Variants in HIP1 observed in about 807,000 individuals in gnomAD.
The protein encoded by HIP1 is huntingtin-interacting protein 1.
In HIP1, 65 loss-of-function variants were observed where a neutral mutation model predicts 147.6. The ratio of observed to expected loss-of-function variants is 0.44; its 90% CI spans 0.36 to 0.54. The LOEUF is 0.54. Ranked by LOEUF, HIP1 falls within the 20% of genes least tolerant of loss-of-function variation. The pLI, the probability that HIP1 is intolerant of heterozygous loss-of-function variation, is 0.00. For synonymous variants in HIP1, 479 were observed against 504.0 expected (o/e 0.95, Z 0.67); for missense variants, 1,061 against 1,299.6 (o/e 0.82, Z 2.82).
At chr7:75,553,392 A>G in intron 22 of HIP1, 61 bp downstream of exon 22, 4 of 1,576,156 alleles carry the variant, frequency 2.5e-6, no homozygotes, top group Admixed American at 3.4e-5. Flanking sequence ...TTCCCTGGCC[A>G]TTCACCAGCA....
rs782232995 is a variant in HIP1, at chr7:75,586,780, T to C, written c.438A>G (p.Leu146=). Residue 146 remains leucine, a synonymous_variant, in exon 5 of 31, where the codon CTA becomes CTG. Coordinates refer to ENST00000336926, the MANE Select transcript of HIP1 (RefSeq NM_005338.7). ...TGGTGTGGTACTCCATCTTGGTTCTTAGCAGTTTCAGGTAGATGCTGCACA... is the reference window on the plus strand; with the variant it reads ...TGGTGTGGTACTCCATCTTGGTTCTCAGCAGTTTCAGGTAGATGCTGCACA... ...GQLCSIYLKL[L]RTKMEYHTKN... 6.2e-7 allele frequency: 1 copy of C among 1,613,568 alleles called. No homozygotes were observed. The highest frequency in any genetic ancestry group is 8.5e-7 in the Non-Finnish European group (1 of 1,179,556).
intron 29 of HIP1, 66 bp from the exon 30 acceptor site, chr7:75,539,497 T>A (rs1794220977): frequency 7.6e-7 from 1 of 1,321,872 alleles, no homozygotes; most frequent in Non-Finnish European, 1.1e-6. Flanking sequence ...TTATTTATTT[T>A]TTTATAGAGA....
chr7:75,694,166 C>T (rs1395152369), intron 1 of HIP1, among the ~76,000 whole-genome samples: 6 of 152,240 alleles, frequency 3.9e-5, no homozygotes, highest in South Asian at 4.1e-4. Context: ...GATCCACCCA[C>T]CTCGGCCTCC....
At chr7:75,618,844 G>A (rs1184863424) in intron 1 of HIP1, among the ~76,000 whole-genome samples, 2 of 151,864 alleles carry the variant, frequency 1.3e-5, no homozygotes, top group Non-Finnish European at 2.9e-5. Context: ...TCTCCCTTGA[G>A]CACATCCTTT....
intron 1 of HIP1, among the ~76,000 whole-genome samples, chr7:75,627,796 C>G (rs1445944547): frequency 6.6e-6 from 1 of 152,096 alleles, no homozygotes; most frequent in Admixed American, 6.5e-5. Flanking sequence ...CTCTGTAGAC[C>G]CTCTGGCTGA....
chr7:75,542,126 G>A (rs373082912), intron 28 of HIP1, 146 bp from the exon 29 acceptor site: 13 of 687,686 alleles, frequency 1.9e-5, no homozygotes, highest in Middle Eastern at 4.0e-4. Flanking sequence ...GCCAGACAAC[G>A]GTGGCTCACT....
intron 20 of HIP1, 50 bp downstream of exon 20, chr7:75,554,390 C>A: frequency 4.0e-6 from 6 of 1,504,076 alleles, no homozygotes. Flanking sequence ...TGCTTCTGAA[C>A]CCTGTCTGGC....
At chr7:75,620,650 C>G (rs1554506930) in intron 1 of HIP1, among the ~76,000 whole-genome samples, 1 of 152,046 alleles carries the variant, frequency 6.6e-6, no homozygotes, top group East Asian at 1.9e-4. Context: ...AGCACCATTG[C>G]ACTCCAGCCT....
intron 1 of HIP1, among the ~76,000 whole-genome samples, chr7:75,608,044 C>T (rs946902060): frequency 2.6e-5 from 4 of 152,176 alleles, no homozygotes; most frequent in Non-Finnish European, 4.4e-5. Flanking sequence ...ACATGGCTCA[C>T]GCCTGTAATC....
At chr7:75,609,903 C>CTTTTT (rs56106169) in intron 1 of HIP1, among the ~76,000 whole-genome samples, 15 of 130,962 alleles carry the variant, frequency 1.1e-4, no homozygotes, top group Admixed American at 1.6e-4. Flanking sequence ...CTCTTCTTTT[C>CTTTTT]TTTTTTTTTT....
chr7:75,557,598 G>A (rs956177094), intron 16 of HIP1, 56 bp downstream of exon 16: 221 of 1,309,568 alleles, frequency 1.7e-4, no homozygotes, highest in Non-Finnish European at 2.3e-4. Flanking sequence ...CAAAGCCCCC[G>A]CCACCAACTC....
intron 1 of HIP1, chr7:75,626,135 A>G (rs1798026940): frequency 6.6e-6 from 1 of 152,270 alleles, no homozygotes; most frequent in Admixed American, 6.5e-5. Flanking sequence ...GACCCAGTCT[A>G]TGGTATTTTG....
rs587742459 is a variant in HIP1 at position 75,544,795 on chromosome 7, G to A, written c.2666C>T (p.Ala889Val). The A allele has an allele frequency of 6.2e-7, 1 of 1,604,816 alleles. No individual in the cohort carries two copies. Among genetic ancestry groups the A allele is most frequent in the Admixed American group, 1.7e-5 (1 of 59,974 alleles). Residue 889 changes from alanine (A) to valine (V), a missense_variant, in exon 27 of 31, where the codon GCA (alanine) becomes GTA (valine). Around this residue, in one of 3 missense-constraint regions of HIP1, gnomAD observed 810 missense variants for 946.8 expected, o/e 0.86. Coordinates refer to ENST00000336926, the MANE Select transcript of HIP1 (RefSeq NM_005338.7). ...VGWGATVMVD[A>V]ADLVVQGRGK... ...TCTGCCTTGTACCACCAGATCAGCT[G>A]CATCCCTGATGGAAAACGACAAGAG...
chr7:75,606,555 G>A (rs1352030520), intron 1 of HIP1, among the ~76,000 whole-genome samples: 8 of 151,282 alleles, frequency 5.3e-5, no homozygotes, highest in African/African-American at 1.5e-4. Context: ...CTGCCTGGGC[G>A]ACAGAGTGAG....
intron 1 of HIP1, among the ~76,000 whole-genome samples, chr7:75,734,270 A>T (rs1342760494): frequency 6.7e-6 from 1 of 150,122 alleles, no homozygotes; most frequent in African/African-American, 2.5e-5. Context: ...ATAAATAAAT[A>T]AATAAATAAA....
intron 22 of HIP1, among the ~76,000 whole-genome samples, chr7:75,551,977 C>T (rs1479714604): frequency 6.6e-6 from 1 of 151,256 alleles, no homozygotes; most frequent in Non-Finnish European, 1.5e-5. Context: ...GCAACCTCAG[C>T]CTCCCAGGTT....
intron 4 of HIP1, among the ~76,000 whole-genome samples, chr7:75,591,252 C>T (rs915952080): frequency 6.6e-6 from 1 of 152,096 alleles, no homozygotes; most frequent in Non-Finnish European, 1.5e-5. Context: ...AGGTTAGTCT[C>T]AAACTCCTGG....
intron 5 of HIP1, among the ~76,000 whole-genome samples, chr7:75,585,949 G>A (rs1259871063): frequency 2.0e-5 from 3 of 151,866 alleles, no homozygotes; most frequent in African/African-American, 7.3e-5. Flanking sequence ...CGAGTAGCTG[G>A]GACTACAGTT....
intron 1 of HIP1, among the ~76,000 whole-genome samples, chr7:75,669,543 T>C (rs1269504246): frequency 4.0e-5 from 6 of 151,344 alleles, no homozygotes; most frequent in African/African-American, 7.3e-5. Context: ...GCCTGGGTGA[T>C]AGAGTGAGAC....
Sources: gnomAD v4.1 joint callset for allele counts (sites outside exome capture counted in the v4.1 genomes callset) on GRCh38, gnomAD v4.1.1 for gene constraint, gnomAD v4.1.1 regional missense constraint, MANE v1.5 for transcripts, NCBI Gene and HGNC (gene_info 2026-07-23, HGNC 2026-07-21) for gene names.